MSANTD1: variants seen among roughly 807,000 people sequenced by gnomAD.
The protein encoded by MSANTD1 is myb/SANT-like DNA-binding domain-containing protein 1.
Under a neutral mutation model 24.2 loss-of-function variants are expected in MSANTD1, and 7 were observed. The ratio of observed to expected loss-of-function variants is 0.29; its 90% CI spans 0.16 to 0.54. MSANTD1 has a LOEUF of 0.54. Among genes scored for constraint, MSANTD1 ranks in the 20% least tolerant of loss-of-function variants. The pLI is 0.94. For synonymous variants in MSANTD1, 177 were observed against 181.1 expected (o/e 0.98, Z 0.18); for missense variants, 384 against 408.2 (o/e 0.94, Z 0.51).
At position 3,253,355 on chromosome 4, in the gene MSANTD1, G is replaced by A. The variant is rs199576311; in HGVS notation, c.469G>A (p.Glu157Lys). The change falls in exon 2 of 3, where the codon GAG becomes AAG. Residue 157 changes from glutamate to lysine, a missense_variant. Transcript: ENST00000438480. ...GCCGGGGCCCTCCACGTCCCAGACC[G>A]AGGCGTCCCTGTCGCCGCCCGCTAA... ...QPPGPSTSQTEASLSPPAKST... is the reference protein window; with the variant it reads ...QPPGPSTSQTKASLSPPAKST... 28 of 1,611,230 alleles carry A rather than the reference G, an allele frequency of 1.7e-5. No individual in the cohort carries two copies. Among genetic ancestry groups the A allele is most frequent in the East Asian group, 4.5e-5 (2 of 44,832 alleles).
Position 3,249,311 on chromosome 4 carries a change from G to A in MSANTD1, c.89G>A (p.Gly30Asp), listed in dbSNP as rs1287399800. ...GGCATGGCGGCGGCCGAGGGGCCCG[G>A]CTACCTCGTGTCTCCCCAGGCGGAG... ...ASGMAAAEGPGYLVSPQAEKH... is the reference protein window; with the variant it reads ...ASGMAAAEGPDYLVSPQAEKH... The change falls in exon 1 of 3, where the codon GGC becomes GAC. Residue 30 changes from glycine (G) to aspartate (D), a missense_variant. Coordinates refer to ENST00000438480, the MANE Select transcript of MSANTD1 (RefSeq NM_001042690.2). 1 of 1,540,792 alleles carries A rather than the reference G, an allele frequency of 6.5e-7. No homozygotes were observed. The highest frequency in any genetic ancestry group is 8.8e-7 in the Non-Finnish European group (1 of 1,139,372).
At chr4:3,247,708 G>A (rs1223014032), upstream of MSANTD1, 1 of 152,348 alleles carries the variant, frequency 6.6e-6, no homozygotes, top group South Asian at 2.1e-4. Context: ...AGGGGGTGCA[G>A]AGACCCCTCT....
chr4:3,252,607 T>TA (rs1165357429), intron 1 of MSANTD1, among the ~76,000 whole-genome samples: 2 of 152,134 alleles, frequency 1.3e-5, no homozygotes, highest in Non-Finnish European at 1.5e-5. Context: ...GTCATTGATA[T>TA]AAAAATAGAG....
chr4:3,250,763 G>T (rs1227100025), intron 1 of MSANTD1, among the ~76,000 whole-genome samples: 5 of 152,292 alleles, frequency 3.3e-5, no homozygotes, highest in Non-Finnish European at 7.4e-5. Flanking sequence ...GTGAGCCTGG[G>T]GCAGAGAGGC....
Position 3,255,847 on chromosome 4 carries a change from C to A in MSANTD1, c.719C>A (p.Thr240Asn), listed in dbSNP as rs1333061378. Residue 240 changes from threonine to asparagine, a missense_variant, in exon 3 of 3, where the codon ACC becomes AAC. Physicochemically the swap from Thr to Asn is moderately conservative, Grantham distance 65. Coordinates refer to ENST00000438480, the MANE Select transcript of MSANTD1 (RefSeq NM_001042690.2). The part of the protein sequence containing the change: ...QRRLSRAVEE[T>N]CREVRRVLDQ... Reference sequence around the variant, plus strand: ...CGGCTGAGCCGCGCCGTGGAGGAGACCTGCCGCGAGGTGCGCCGCGTGCTG... The same window carrying A: ...CGGCTGAGCCGCGCCGTGGAGGAGAACTGCCGCGAGGTGCGCCGCGTGCTG... 1 of 1,545,494 alleles carries A rather than the reference C, an allele frequency of 6.5e-7. No homozygotes were observed. The highest frequency in any genetic ancestry group is 1.2e-5 in the South Asian group (1 of 83,948).
intron 2 of MSANTD1, among the ~76,000 whole-genome samples, chr4:3,253,954 C>T (rs889167539): frequency 2.0e-5 from 3 of 152,196 alleles, no homozygotes; most frequent in Non-Finnish European, 1.5e-5. Context: ...CACCTCATCA[C>T]GTGTTGCCGT....
Position 3,256,254 on chromosome 4 carries a change from T to C in MSANTD1, c.*289T>C, listed in dbSNP as rs1722389443. ...TCCTAGAGCCACTCTCCAGTGTCGT[T>C]ACTATCAATGATACTTGACGTGGCT... On this transcript the variant is annotated 3_prime_UTR_variant, in exon 3 of 3. Coordinates refer to ENST00000438480, the MANE Select transcript of MSANTD1 (RefSeq NM_001042690.2). The C allele has an allele frequency of 3.3e-6, 1 of 304,854 alleles. No individual in the cohort carries two copies. The highest frequency in any genetic ancestry group is 6.0e-6 in the Non-Finnish European group (1 of 166,186). 18.9% of individuals were successfully genotyped at this position (304,854 alleles called of 1,614,324 possible).
intron 1 of MSANTD1, among the ~76,000 whole-genome samples, chr4:3,252,560 T>C (rs1231788351): frequency 6.6e-6 from 1 of 152,162 alleles, no homozygotes. Context: ...AAATCTGCCC[T>C]GTAGCTGGGG....
chr4:3,254,311 C>T (rs1722320246), intron 2 of MSANTD1, among the ~76,000 whole-genome samples: 1 of 152,252 alleles, frequency 6.6e-6, no homozygotes, highest in East Asian at 1.9e-4. Flanking sequence ...GGGTCCCTCT[C>T]ATGCCGGGGG....
upstream of MSANTD1, chr4:3,247,815 CACAGTGGGG>C (rs1261643827): frequency 5.3e-5 from 8 of 149,872 alleles, no homozygotes; most frequent in African/African-American, 2.0e-4. Context: ...GCTGGGCACC[CACAGTGGGG>C]CTGGGCACCC....
chr4:3,250,213 C>T (rs1251782704), intron 1 of MSANTD1, among the ~76,000 whole-genome samples: 1 of 152,192 alleles, frequency 6.6e-6, no homozygotes, highest in Admixed American at 6.5e-5. Context: ...AGGTGGAGGC[C>T]TGCCCTGGCC....
intron 1 of MSANTD1, among the ~76,000 whole-genome samples, chr4:3,250,034 A>G (rs1465525179): frequency 6.6e-6 from 1 of 152,192 alleles, no homozygotes; most frequent in East Asian, 1.9e-4. Context: ...TGCAAGTGAG[A>G]AGGAGGCTCA....
chr4:3,250,546 G>A (rs1026785548), intron 1 of MSANTD1, among the ~76,000 whole-genome samples: 1 of 152,228 alleles, frequency 6.6e-6, no homozygotes, highest in African/African-American at 2.4e-5. Context: ...GGTCACAGGT[G>A]TGGGGTGATG....
At chr4:3,253,127 G>C in intron 1 of MSANTD1, 80 bp from the exon 2 acceptor site, 1 of 1,384,118 alleles carries the variant, frequency 7.2e-7, no homozygotes, top group Non-Finnish European at 9.5e-7. Context: ...GGCGTGGCGC[G>C]CCCCTCTGCT....
upstream of MSANTD1, chr4:3,249,079 C>T (rs1437050320): frequency 3.1e-6 from 2 of 640,400 alleles, no homozygotes; most frequent in Non-Finnish European, 2.4e-6. Flanking sequence ...GTAGCTTATG[C>T]AGTTGCTCTG....
At position 3,253,238 on chromosome 4, in the gene MSANTD1, GC is replaced by G; in HGVS notation, c.356del (p.Pro119ArgfsTer8). ...KLKCMTDSESAPPDWPYYLAI... is the reference protein window; with the variant it reads ...KLKCMTDSESXPPDWPYYLAI... Reference sequence around the variant, plus strand: ...AAAATGCATGACAGATAGCGAGTCCGCCCCGCCCGACTGGCCCTATTACCTA... The same window carrying G: ...AAAATGCATGACAGATAGCGAGTCCGCCCGCCCGACTGGCCCTATTACCTA... On this transcript the variant is annotated frameshift_variant, in exon 2 of 3. Coordinates refer to ENST00000438480, the MANE Select transcript of MSANTD1 (RefSeq NM_001042690.2). LOFTEE classifies it high-confidence loss of function. 1 of 1,578,830 alleles carries G rather than the reference GC, an allele frequency of 6.3e-7. No individual in the cohort carries two copies. Among genetic ancestry groups the G allele is most frequent in the Non-Finnish European group, 8.6e-7 (1 of 1,158,190 alleles).
At position 3,255,716 on chromosome 4, in the gene MSANTD1, T is replaced by C; in HGVS notation, c.597-9T>C. The C allele has an allele frequency of 6.5e-7, 1 of 1,531,718 alleles. No homozygotes were observed. Among genetic ancestry groups the C allele is most frequent in the Non-Finnish European group, 8.8e-7 (1 of 1,138,332 alleles). 94.9% of individuals were successfully genotyped at this position (1,531,718 alleles called of 1,614,324 possible). On this transcript the variant is annotated splice_polypyrimidine_tract_variant and intron_variant, in intron 2 of 2. Coordinates refer to ENST00000438480, the MANE Select transcript of MSANTD1 (RefSeq NM_001042690.2). ...GCCAGCACGTCCACAGCCGGCACTGTCCTTCCAGGTCGGAGGAGCGGCCGG... is the reference window on the plus strand; with the variant it reads ...GCCAGCACGTCCACAGCCGGCACTGCCCTTCCAGGTCGGAGGAGCGGCCGG...
At chr4:3,253,107 T>C (rs879159482) in intron 1 of MSANTD1, 100 bp from the exon 2 acceptor site, 7 of 1,283,202 alleles carry the variant, frequency 5.5e-6, no homozygotes, top group Non-Finnish European at 2.1e-6. Flanking sequence ...GAGCGGCTCC[T>C]GCCTGTGCCG....
chr4:3,246,833 A>G (rs781458581), upstream of MSANTD1, among the ~76,000 whole-genome samples: 3 of 152,182 alleles, frequency 2.0e-5, no homozygotes, highest in Non-Finnish European at 4.4e-5. Context: ...TGCCCTGTCC[A>G]GGGCCTCCCA....
Sources: gnomAD v4.1 joint callset for allele counts (sites outside exome capture counted in the v4.1 genomes callset) on GRCh38, gnomAD v4.1.1 for gene constraint, MANE v1.5 for transcripts, NCBI Gene and HGNC (gene_info 2026-07-23, HGNC 2026-07-21) for gene names.